The following LRPPRC variants were observed in gnomAD, a reference collection of about 807,000 sequenced individuals.
The protein encoded by LRPPRC is leucine-rich PPR motif-containing protein, mitochondrial.
LRPPRC carries 120 observed loss-of-function variants against 180.3 expected under a neutral mutation model. The observed-to-expected ratio is 0.67, with a 90% CI of 0.57 to 0.77. The LOEUF (loss-of-function observed/expected upper bound fraction) is 0.77, where lower values mean the gene tolerates loss of function less well. Among genes scored for constraint, LRPPRC ranks in the 30% least tolerant of loss-of-function variants. The pLI is 0.00. For missense variants in LRPPRC, 2,012 were observed against 1,657.2 expected (o/e 1.21, Z -3.72); for synonymous variants, 723 against 600.0 (o/e 1.21, Z -3.00).
Position 43,977,193 on chromosome 2 carries a change from G to A in LRPPRC, c.553C>T (p.Leu185=), listed in dbSNP as rs779018986. ...NEYKFSPTDF[L]AKMEEANIQP... ...ATGTTTGCTTCCTCCATTTTTGCCA[G>A]GAAATCAGTTGGTGAGAATTTATAT... Residue 185 remains leucine (L), a synonymous_variant, in exon 4 of 38, where the codon CTG becomes TTG. Coordinates refer to ENST00000260665, the MANE Select transcript of LRPPRC (RefSeq NM_133259.4). 2 of 1,609,702 alleles carry A rather than the reference G, an allele frequency of 1.2e-6. No homozygotes were observed. The highest frequency in any genetic ancestry group is 2.2e-5 in the South Asian group (2 of 91,004).
In LRPPRC at chr2:43,888,594, G is replaced by A; in HGVS notation, c.*6C>T. On this transcript the variant is annotated 3_prime_UTR_variant, in exon 38 of 38. Coordinates refer to ENST00000260665, the MANE Select transcript of LRPPRC (RefSeq NM_133259.4). ...TATATACAAAACAAAGTATCGCCTG[G>A]TTATTTCAAGAAGAGTTTTCCCTCA... 1 of 1,546,486 alleles carries A rather than the reference G, an allele frequency of 6.5e-7. No homozygotes were observed. Among genetic ancestry groups the A allele is most frequent in the Non-Finnish European group, 8.9e-7 (1 of 1,118,696 alleles).
intron 11 of LRPPRC, chr2:43,963,932 C>A (rs1387955900): frequency 5.2e-6 from 3 of 572,612 alleles, no homozygotes; most frequent in Non-Finnish European, 9.3e-6. Context: ...AGAAACTATC[C>A]TTGAAATTAT....
At chr2:43,963,869 A>T in intron 11 of LRPPRC, 163 bp from the exon 12 acceptor site, 1 of 642,098 alleles carries the variant, frequency 1.6e-6, no homozygotes, top group Non-Finnish European at 2.8e-6. Context: ...ATACAATGAT[A>T]AAAAAATTAA....
rs1467205613 is a variant in LRPPRC, at chr2:43,925,075, T to A, written c.2888A>T (p.Lys963Ile). The A allele has an allele frequency of 6.5e-7, 1 of 1,528,892 alleles. No individual in the cohort carries two copies. The highest frequency in any genetic ancestry group is 9.1e-7 in the Non-Finnish European group (1 of 1,102,410). 94.7% of individuals were successfully genotyped at this position (1,528,892 alleles called of 1,614,324 possible). A position where few individuals can be genotyped will look rare whatever the true frequency, so the allele number is the denominator to read the frequency against. ...ATAGTTAAATCACTTACTATACAGT[T>A]TTAGCAGATTGTAGTACATCTGGTC... is the stretch of plus-strand genomic sequence containing the variant. ...DRDQMYYNLL[K>I]LYKINGDWQR... The change falls in exon 27 of 38, where the codon AAA becomes ATA. Residue 963 changes from lysine (K) to isoleucine (I), a missense_variant. Lys to Ile is a moderately radical substitution (Grantham distance 102). Transcript: ENST00000260665.
At chr2:43,933,247 T>A (rs1672154169) in intron 25 of LRPPRC, among the ~76,000 whole-genome samples, 1 of 152,144 alleles carries the variant, frequency 6.6e-6, no homozygotes, top group African/African-American at 2.4e-5. Flanking sequence ...GTTCTCTTCT[T>A]CAAAAAACAT....
intron 27 of LRPPRC, among the ~76,000 whole-genome samples, chr2:43,924,836 C>T (rs373118212): frequency 3.9e-5 from 6 of 152,264 alleles, no homozygotes; most frequent in East Asian, 3.9e-4. Context: ...TGAAGGTTTT[C>T]GTACTTTCTC....
chr2:43,888,444 T>A lies in LRPPRC; in HGVS notation c.*156A>T. On this transcript the variant is annotated 3_prime_UTR_variant, in exon 38 of 38. Coordinates refer to ENST00000260665, the MANE Select transcript of LRPPRC (RefSeq NM_133259.4). Reference sequence around the variant, plus strand: ...ACTCCAAAAATGTCCAATAACCAAGTGCACAGAGTTATGGTCAATAAGACT... The same window carrying A: ...ACTCCAAAAATGTCCAATAACCAAGAGCACAGAGTTATGGTCAATAAGACT... The A allele has an allele frequency of 3.4e-6, 2 of 583,988 alleles. No homozygotes were observed. The highest frequency in any genetic ancestry group is 6.2e-6 in the Non-Finnish European group (2 of 323,910). The allele number at this position is 583,988 out of a possible 1,614,324, so 36.2% of individuals were successfully genotyped here.
chr2:43,975,779 C>T (rs1674029494), intron 6 of LRPPRC, among the ~76,000 whole-genome samples: 1 of 151,968 alleles, frequency 6.6e-6, no homozygotes, highest in African/African-American at 2.4e-5. Context: ...GACCGGGTTT[C>T]ACCATGTTGG....
chr2:43,960,648 A>G lies in LRPPRC; in HGVS notation c.1489-14T>C, dbSNP rs1282347871. 2 of 1,277,620 alleles carry G rather than the reference A, an allele frequency of 1.6e-6. No individual in the cohort carries two copies. The highest frequency in any genetic ancestry group is 2.4e-5 in the South Asian group (2 of 84,252). 79.1% of individuals were successfully genotyped at this position (1,277,620 alleles called of 1,614,324 possible). A position where few individuals can be genotyped will look rare whatever the true frequency, so the allele number is the denominator to read the frequency against. On this transcript the variant is annotated splice_polypyrimidine_tract_variant and intron_variant, in intron 12 of 37. Transcript: ENST00000260665. Reference sequence around the variant, plus strand: ...ACATCCATTTTCCTGGAGATAAAGCATATATCAATGAGAATACATCTCAGC... The same window carrying G: ...ACATCCATTTTCCTGGAGATAAAGCGTATATCAATGAGAATACATCTCAGC...
intron 22 of LRPPRC, among the ~76,000 whole-genome samples, chr2:43,944,342 A>G (rs989735208): frequency 2.0e-5 from 3 of 152,130 alleles, no homozygotes; most frequent in African/African-American, 7.2e-5. Context: ...CTATGTCGAT[A>G]CTAATTAGCC....
chr2:43,992,549 T>G (rs1674828828), intron 1 of LRPPRC, among the ~76,000 whole-genome samples: 1 of 152,148 alleles, frequency 6.6e-6, no homozygotes, highest in Non-Finnish European at 1.5e-5. Context: ...AATGCTTAAG[T>G]GTAAGCAGGA....
chr2:43,913,952 C>T (rs1671351214), intron 29 of LRPPRC, among the ~76,000 whole-genome samples: 1 of 152,084 alleles, frequency 6.6e-6, no homozygotes, highest in Admixed American at 6.6e-5. Context: ...CATTTGAGTA[C>T]CAGTATCAAT....
chr2:43,889,339 A>AG (rs1553387839), intron 37 of LRPPRC, among the ~76,000 whole-genome samples: 1 of 147,140 alleles, frequency 6.8e-6, no homozygotes, highest in Non-Finnish European at 1.5e-5. Context: ...AAAAAAAAAA[A>AG]GGCAAAATTT....
At chr2:43,970,723 C>G (rs1041884499) in intron 11 of LRPPRC, among the ~76,000 whole-genome samples, 2 of 152,210 alleles carry the variant, frequency 1.3e-5, no homozygotes, top group African/African-American at 2.4e-5. Context: ...ACAACTTTCA[C>G]CAACTATGAC....
intron 6 of LRPPRC, among the ~76,000 whole-genome samples, chr2:43,975,932 A>C (rs1186812842): frequency 6.6e-6 from 1 of 152,244 alleles, no homozygotes. Flanking sequence ...TGTGGAACAA[A>C]TGTAAAAGCT....
At chr2:43,918,795 ATATATATATATATAGATATATATATATC>A (rs1251311824) in intron 27 of LRPPRC, among the ~76,000 whole-genome samples, 2 of 28,848 alleles carry the variant, frequency 6.9e-5, no homozygotes, top group Non-Finnish European at 1.0e-4. Flanking sequence ...ATATATAGAT[ATATATATATATATAGATATATATATATC>A]TATATATAGA....
At chr2:43,921,513 T>C (rs984313169) in intron 27 of LRPPRC, among the ~76,000 whole-genome samples, 2 of 151,606 alleles carry the variant, frequency 1.3e-5, no homozygotes, top group Non-Finnish European at 1.5e-5. Context: ...AAGTAAAGTA[T>C]AAAACAATCA....
rs753004866 is a variant in LRPPRC at position 43,974,300 on chromosome 2, G to A, written c.1010-5C>T. The A allele has an allele frequency of 2.7e-5, 43 of 1,606,356 alleles. No individual in the cohort carries two copies. In the Middle Eastern group the frequency reaches 6.6e-4, roughly 25 times the overall value. On this transcript the variant is annotated splice_region_variant and splice_polypyrimidine_tract_variant and intron_variant, in intron 8 of 37. Transcript: ENST00000260665. The stretch of plus-strand genomic sequence containing the variant: ...GTAAAATGAGGTTCATTGCATCTGG[G>A]AAGAAAACAAAGACATCTTTTGTTA...
At chr2:43,960,386 T>C (rs548712528) in intron 13 of LRPPRC, among the ~76,000 whole-genome samples, 155 bp downstream of exon 13, 13 of 152,322 alleles carry the variant, frequency 8.5e-5, no homozygotes, top group Admixed American at 3.3e-4. Context: ...TACTTCCAAA[T>C]TATCCACAAG....
Sources: allele counts gnomAD v4.1 joint callset (sites outside exome capture counted in the v4.1 genomes callset), GRCh38; gene constraint gnomAD v4.1.1; transcripts MANE v1.5; gene names NCBI Gene and HGNC (gene_info 2026-07-23, HGNC 2026-07-21).